Variants in PUM2 observed in about 807,000 individuals in gnomAD.
The protein encoded by PUM2 is pumilio RNA binding family member 2.
Under a neutral mutation model 124.5 loss-of-function variants are expected in PUM2, and 57 were observed. The observed-to-expected ratio is 0.46, with a 90% CI of 0.37 to 0.57. The LOEUF is 0.57. Among genes scored for constraint, PUM2 ranks in the 20% least tolerant of loss-of-function variants. PUM2 has a pLI of 0.00. For missense variants in PUM2, 1,065 were observed against 1,290.6 expected (o/e 0.83, Z 2.68); for synonymous variants, 460 against 446.1 (o/e 1.03, Z -0.39).
chr2:20,296,110 C>G (rs571892603), intron 8 of PUM2, among the ~76,000 whole-genome samples: 2 of 152,316 alleles, frequency 1.3e-5, no homozygotes, highest in Non-Finnish European at 2.9e-5. Flanking sequence ...ACACCAAAAG[C>G]TAATGACAGC....
rs188278457 is a variant in PUM2 at position 20,293,629 on chromosome 2, G to C, written c.1152+747C>G. 2.7e-3 allele frequency among the ~76,000 whole-genome samples: 407 copies of C among 152,208 alleles called. 1 individual carries two copies. Among genetic ancestry groups the C allele is most frequent in the Non-Finnish European group, 3.7e-3 (249 of 68,010 alleles). On this transcript the variant is annotated intron_variant, in intron 9 of 20. Coordinates refer to ENST00000361078, the MANE Select transcript of PUM2 (RefSeq NM_015317.5). ...GAAGACTGAGGTATAAGAGTCACTT[G>C]AACCTGGGGTGGAAGTTGCAGTGAG...
chr2:20,332,665 T>C (rs551313044), intron 1 of PUM2, among the ~76,000 whole-genome samples: 69 of 152,324 alleles, frequency 4.5e-4, no homozygotes, highest in South Asian at 1.0e-3. Context: ...ATCTGCTGTC[T>C]CTTAAACAGC....
At chr2:20,313,835 C>CAAAAAAAA (rs35569645) in intron 3 of PUM2, among the ~76,000 whole-genome samples, 2 of 55,054 alleles carry the variant, frequency 3.6e-5, no homozygotes, top group Non-Finnish European at 7.1e-5. Flanking sequence ...GATCCTGTCT[C>CAAAAAAAA]AAAAAAAAAA....
At chr2:20,261,391 C>A (rs1242937328) in intron 14 of PUM2, among the ~76,000 whole-genome samples, 3 of 31,036 alleles carry the variant, frequency 9.7e-5, no homozygotes, top group African/African-American at 3.1e-4. Context: ...GAGACTCTGT[C>A]TCCAAAAAAA....
chr2:20,302,319 A>C (rs557347384), intron 7 of PUM2, among the ~76,000 whole-genome samples: 2 of 152,334 alleles, frequency 1.3e-5, no homozygotes, highest in East Asian at 3.9e-4. Context: ...ACTCCTGCCA[A>C]AACAGGACAT....
At chr2:20,290,597 C>A (rs955590646) in intron 10 of PUM2, 55 bp downstream of exon 10, 1 of 1,528,092 alleles carries the variant, frequency 6.5e-7, no homozygotes, top group South Asian at 1.3e-5. Context: ...AGTGTGAGTA[C>A]CTACACTTAA....
At chr2:20,257,043 CAAAAAAAAAAAAAAAAAAAAA>C (rs58072146) in intron 16 of PUM2, among the ~76,000 whole-genome samples, 1 of 71,798 alleles carries the variant, frequency 1.4e-5, no homozygotes, top group South Asian at 5.5e-4. Context: ...GATTCCGTCT[CAAAAAAAAAAAAAAAAAAAAA>C]AAAAAAAAAG....
At chr2:20,260,810 T>C (rs1430841241) in intron 14 of PUM2, among the ~76,000 whole-genome samples, 2 of 152,142 alleles carry the variant, frequency 1.3e-5, no homozygotes, top group South Asian at 2.1e-4. Flanking sequence ...TAGAACATAA[T>C]AAAGGAAACC....
At position 20,311,790 on chromosome 2, in the gene PUM2, G is replaced by A. The variant is rs1200223731; in HGVS notation, c.349-127C>T. The A allele has an allele frequency of 2.1e-5, 23 of 1,081,202 alleles. No homozygotes were observed. In the East Asian group the frequency reaches 2.2e-4, roughly 11 times the overall value. The allele number at this position is 1,081,202 out of a possible 1,614,324, so 67.0% of individuals were successfully genotyped here. On this transcript the variant is annotated intron_variant, in intron 4 of 20. Transcript: ENST00000361078. Reference sequence around the variant, plus strand: ...AAAGCATTGAATCTTATTTAATTTCGTAGTCAATTAATTTATCAAAGGCCA... The same window carrying A: ...AAAGCATTGAATCTTATTTAATTTCATAGTCAATTAATTTATCAAAGGCCA...
Position 20,308,005 on chromosome 2 carries a change from A to G in PUM2, c.856T>C (p.Leu286=), listed in dbSNP as rs1310700558. 2 of 1,613,570 alleles carry G rather than the reference A, an allele frequency of 1.2e-6. No homozygotes were observed. Among genetic ancestry groups the G allele is most frequent in the East Asian group, 2.2e-5 (1 of 44,844 alleles). The change falls in exon 7 of 21, where the codon TTA becomes CTA. Residue 286 remains leucine (L), a synonymous_variant. Transcript: ENST00000361078. ...LTAAQQQQYA[L]AAAQQPHIAG... ...ATATGTGGCTGCTGAGCTGCTGCTAATGCATATTGCTGCTGTTGAGCTGCA... is the reference window on the plus strand; with the variant it reads ...ATATGTGGCTGCTGAGCTGCTGCTAGTGCATATTGCTGCTGTTGAGCTGCA...
rs116185833 is a variant in PUM2, at chr2:20,282,585, C to T, written c.1720+362G>A. On this transcript the variant is annotated intron_variant, in intron 12 of 20. Transcript: ENST00000361078. ...GCTTTAAAATACCAAAAATTTAAGA[C>T]GGCAAAATATTTGCCTCCACAAACA... Among the ~76,000 whole-genome samples, 1,076 of 152,186 alleles carry T rather than the reference C, an allele frequency of 7.1e-3. 18 individuals are homozygous for T. Among genetic ancestry groups the T allele is most frequent in the African/African-American group, 0.025 (1,038 of 41,524 alleles).
Position 20,251,353 on chromosome 2 carries a change from A to G in PUM2, c.*232T>C. On this transcript the variant is annotated 3_prime_UTR_variant, in exon 21 of 21. Coordinates refer to ENST00000361078, the MANE Select transcript of PUM2 (RefSeq NM_015317.5). ...ACAGGCATTCTGTGCTTTGCCAGCAATCCAATCTGATAGGTCTCCACTCAG... is the reference window on the plus strand; with the variant it reads ...ACAGGCATTCTGTGCTTTGCCAGCAGTCCAATCTGATAGGTCTCCACTCAG... The G allele has an allele frequency of 2.7e-6, 1 of 369,676 alleles. No individual in the cohort carries two copies. Among genetic ancestry groups the G allele is most frequent in the Non-Finnish European group, 4.8e-6 (1 of 208,474 alleles). 22.9% of individuals were successfully genotyped at this position (369,676 alleles called of 1,614,324 possible).
At chr2:20,307,288 T>A (rs1678568406) in intron 7 of PUM2, among the ~76,000 whole-genome samples, 1 of 152,038 alleles carries the variant, frequency 6.6e-6, no homozygotes, top group African/African-American at 2.4e-5. Context: ...CACAGAAGAA[T>A]ATGACATTAA....
intron 10 of PUM2, 73 bp from the exon 11 acceptor site, chr2:20,283,559 G>A (rs1672054830): frequency 6.9e-7 from 1 of 1,459,068 alleles, no homozygotes; most frequent in South Asian, 1.3e-5. Flanking sequence ...CCCTGCATTT[G>A]TATTTTTTCA....
In PUM2 at chr2:20,251,552, G is replaced by A; in HGVS notation, c.*33C>T. 1 of 1,585,798 alleles carries A rather than the reference G, an allele frequency of 6.3e-7. No homozygotes were observed. The highest frequency in any genetic ancestry group is 8.6e-7 in the Non-Finnish European group (1 of 1,163,972). On this transcript the variant is annotated 3_prime_UTR_variant, in exon 21 of 21. Transcript: ENST00000361078. ...CACACAAAAAAATTCTTTTCACATG[G>A]TTAAATTATCTTCTTTCTCTTGCTC...
At chr2:20,289,151 G>C (rs1308519704) in intron 10 of PUM2, among the ~76,000 whole-genome samples, 3 of 151,944 alleles carry the variant, frequency 2.0e-5, no homozygotes, top group African/African-American at 7.2e-5. Flanking sequence ...AAAAAAAAAA[G>C]TTGGGTGTGG....
At chr2:20,344,662 C>T (rs1301214692) in intron 1 of PUM2, among the ~76,000 whole-genome samples, 4 of 152,020 alleles carry the variant, frequency 2.6e-5, no homozygotes, top group East Asian at 3.9e-4. Flanking sequence ...TCACCCATCT[C>T]GGGACTAAAT....
intron 14 of PUM2, among the ~76,000 whole-genome samples, chr2:20,260,734 C>G (rs1029772440): frequency 6.6e-6 from 1 of 152,204 alleles, no homozygotes; most frequent in South Asian, 2.1e-4. Context: ...AAGAAAATTA[C>G]GTAAATTTTG....
At chr2:20,252,775 TA>T (rs1361795753) in intron 20 of PUM2, among the ~76,000 whole-genome samples, 1 of 152,206 alleles carries the variant, frequency 6.6e-6, no homozygotes, top group Non-Finnish European at 1.5e-5. Flanking sequence ...TAGAAAAATG[TA>T]TTAGGTTAAA....
Sources: allele counts gnomAD v4.1 joint callset (sites outside exome capture counted in the v4.1 genomes callset), GRCh38; gene constraint gnomAD v4.1.1; transcripts MANE v1.5; gene names NCBI Gene and HGNC (gene_info 2026-07-23, HGNC 2026-07-21).